The following GEMIN5 variants were observed in gnomAD, a reference collection of about 807,000 sequenced individuals.
GEMIN5 encodes gem-associated protein 5.
In GEMIN5, 124 loss-of-function variants were observed where a neutral mutation model predicts 176.9. The observed-to-expected ratio is 0.70, with a 90% CI of 0.61 to 0.81. The LOEUF (loss-of-function observed/expected upper bound fraction) is 0.81, where lower values mean the gene tolerates loss of function less well. GEMIN5 is among the 40% of genes least tolerant of loss of function. The pLI, the probability that GEMIN5 is intolerant of heterozygous loss-of-function variation, is 0.00. For synonymous variants in GEMIN5, 673 were observed against 665.2 expected (o/e 1.01, Z -0.18); for missense variants, 1,843 against 1,814.6 (o/e 1.02, Z -0.28).
chr5:154,921,423 G>A lies in GEMIN5; in HGVS notation c.1382C>T (p.Pro461Leu), dbSNP rs377204502. 1 of 1,414,396 alleles carries A rather than the reference G, an allele frequency of 7.1e-7. No homozygotes were observed. The highest frequency in any genetic ancestry group is 1.2e-5 in the South Asian group (1 of 81,500). 87.6% of individuals were successfully genotyped at this position (1,414,396 alleles called of 1,614,324 possible). The change falls in exon 10 of 28, where the codon CCT (proline) becomes CTT (leucine). Residue 461 changes from proline to leucine, a missense_variant and splice_region_variant. Pro to Leu is a moderately conservative substitution (Grantham distance 98). Coordinates refer to ENST00000285873, the MANE Select transcript of GEMIN5 (RefSeq NM_015465.5). ...VGLYDTYSNK[P>L]PQISSTYHKK... is the part of the protein sequence containing the mutation. ...ATGATATGTGCTAGAAATCTGTGGAGGCCTTTAGAAGAGCAGGGAGAGAGA... is the reference window on the plus strand; with the variant it reads ...ATGATATGTGCTAGAAATCTGTGGAAGCCTTTAGAAGAGCAGGGAGAGAGA...
intron 12 of GEMIN5, 37 bp downstream of exon 12, chr5:154,917,894 A>G: frequency 7.5e-7 from 1 of 1,338,072 alleles, no homozygotes; most frequent in African/African-American, 1.4e-5. Flanking sequence ...TATATGTGCG[A>G]TTGCAAATTT....
rs1344147789 is a variant in GEMIN5 at position 154,919,990 on chromosome 5, T to C, written c.1576A>G (p.Ile526Val). ...SGEAFDINKLIRDTNSIKYKL... is the reference protein window; with the variant it reads ...SGEAFDINKLVRDTNSIKYKL... ...ACTTTGATTGAATTGGTGTCCCTGA[T>C]GAGTTTGTTGATGTCAAAGGCTTCT... The change falls in exon 11 of 28, where the codon ATC becomes GTC. Residue 526 changes from isoleucine to valine, a missense_variant. Ile to Val is a conservative substitution (Grantham distance 29, BLOSUM62 3). Coordinates refer to ENST00000285873, the MANE Select transcript of GEMIN5 (RefSeq NM_015465.5). 3 of 1,611,914 alleles carry C rather than the reference T, an allele frequency of 1.9e-6. No homozygotes were observed. The highest frequency in any genetic ancestry group is 2.5e-6 in the Non-Finnish European group (3 of 1,178,268).
At position 154,917,059 on chromosome 5, in the gene GEMIN5, A is replaced by G. The variant is rs1763826302; in HGVS notation, c.1794T>C (p.Tyr598=). 2.5e-6 allele frequency: 4 copies of G among 1,609,442 alleles called. No homozygotes were observed. Among genetic ancestry groups the G allele is most frequent in the Non-Finnish European group, 3.4e-6 (4 of 1,176,548 alleles). The part of the protein sequence containing the change: ...HEHGSQPELS[Y]LMASGSNNAV... ...CATTGTTGGAGCCAGAGGCCATCAG[A>G]TAGCTCAATTCTGGCTGGCTGCCAT... is the stretch of plus-strand genomic sequence containing the variant. The change falls in exon 13 of 28, where the codon TAT becomes TAC. Residue 598 remains tyrosine, a synonymous_variant. Coordinates refer to ENST00000285873, the MANE Select transcript of GEMIN5 (RefSeq NM_015465.5).
rs993032959 is a variant in GEMIN5 at position 154,892,630 on chromosome 5, C to T, written c.3598-81G>A. 16 of 1,355,488 alleles carry T rather than the reference C, an allele frequency of 1.2e-5. No individual in the cohort carries two copies. In the African/African-American group the frequency reaches 1.3e-4, roughly 11 times the overall value. The allele number at this position is 1,355,488 out of a possible 1,614,324, so 84.0% of individuals were successfully genotyped here. A position where few individuals can be genotyped will look rare whatever the true frequency, so the allele number is the denominator to read the frequency against. On this transcript the variant is annotated intron_variant, in intron 24 of 27. Coordinates refer to ENST00000285873, the MANE Select transcript of GEMIN5 (RefSeq NM_015465.5). ...ATGCCACCAAACTGTTCCTGTGAAC[C>T]GCATTTGGAAACAAGTACACACAAT...
chr5:154,924,426 G>A, intron 9 of GEMIN5, 43 bp downstream of exon 9: 1 of 1,282,196 alleles, frequency 7.8e-7, no homozygotes, highest in Non-Finnish European at 1.1e-6. Context: ...CCAACCTTTT[G>A]GCTCCCCGGG....
At chr5:154,894,497 G>A (rs1161920984) in intron 24 of GEMIN5, among the ~76,000 whole-genome samples, 1 of 152,096 alleles carries the variant, frequency 6.6e-6, no homozygotes, top group East Asian at 1.9e-4. Context: ...CTGGCCAGGC[G>A]TGATGGCTCA....
chr5:154,889,066 C>T (rs181712966), intron 27 of GEMIN5, among the ~76,000 whole-genome samples: 341 of 152,080 alleles, frequency 2.2e-3, no homozygotes, highest in African/African-American at 7.5e-3. Context: ...TTAGTAGAGA[C>T]GGGGTTTCAC....
Position 154,891,543 on chromosome 5 carries a change from A to G in GEMIN5, c.3960T>C (p.Thr1320=), listed in dbSNP as rs900181146. The change falls in exon 26 of 28, where the codon ACT becomes ACC. Residue 1320 remains threonine (T), a synonymous_variant. Transcript: ENST00000285873. ...LSVEPSQQLD[T]ASTEETDPET... is the part of the protein sequence containing the mutation. ...CAGGGTCCGTTTCTTCAGTGCTGGC[A>G]GTGTCTAACTGCTGGCTTGGCTCAA... 1 of 1,614,052 alleles carries G rather than the reference A, an allele frequency of 6.2e-7. No homozygotes were observed. The highest frequency in any genetic ancestry group is 1.3e-5 in the African/African-American group (1 of 74,918).
chr5:154,899,911 T>C (rs919417688), intron 21 of GEMIN5, among the ~76,000 whole-genome samples: 5 of 152,034 alleles, frequency 3.3e-5, no homozygotes, highest in Admixed American at 3.3e-4. Flanking sequence ...GGCTGCTTTT[T>C]CATAGAACCT....
intron 4 of GEMIN5, 156 bp from the exon 5 acceptor site, chr5:154,931,733 G>A (rs934820045): frequency 8.0e-6 from 5 of 624,970 alleles, no homozygotes; most frequent in South Asian, 2.3e-5. Flanking sequence ...GATATAATTC[G>A]GCCTGGTGCA....
chr5:154,892,111 T>C (rs953710901), intron 25 of GEMIN5, among the ~76,000 whole-genome samples: 7 of 152,256 alleles, frequency 4.6e-5, no homozygotes, highest in African/African-American at 1.7e-4. Context: ...TTTGCTGTTC[T>C]TTTCTGTTCT....
chr5:154,913,873 T>A (rs180903), intron 13 of GEMIN5, among the ~76,000 whole-genome samples: 1 of 152,082 alleles, frequency 6.6e-6, no homozygotes, highest in East Asian at 1.9e-4. Context: ...TGGTGGTATG[T>A]GCCTGTAGTC....
At chr5:154,904,716 G>T in intron 17 of GEMIN5, 87 bp from the exon 18 acceptor site, 1 of 977,958 alleles carries the variant, frequency 1.0e-6, no homozygotes, top group Non-Finnish European at 1.6e-6. Context: ...GTAACCTACT[G>T]GCAGGACGAC....
chr5:154,910,722 G>A (rs1033911355), intron 15 of GEMIN5, among the ~76,000 whole-genome samples: 10 of 152,092 alleles, frequency 6.6e-5, no homozygotes, highest in East Asian at 1.9e-4. Context: ...GTTTTGAGAC[G>A]GAGTCTCGCT....
chr5:154,920,710 C>T (rs1460699121), intron 10 of GEMIN5, among the ~76,000 whole-genome samples: 4 of 152,206 alleles, frequency 2.6e-5, no homozygotes, highest in Non-Finnish European at 4.4e-5. Context: ...GATAAATCTA[C>T]TTATCCTCTC....
intron 15 of GEMIN5, among the ~76,000 whole-genome samples, chr5:154,910,014 TAGAC>T (rs1763662841): frequency 6.6e-6 from 1 of 151,846 alleles, no homozygotes; most frequent in Admixed American, 6.6e-5. Context: ...TAAACAGAAT[TAGAC>T]AGTATGTAGT....
At chr5:154,918,307 A>C (rs933712281) in intron 11 of GEMIN5, among the ~76,000 whole-genome samples, 1 of 152,286 alleles carries the variant, frequency 6.6e-6, no homozygotes, top group Admixed American at 6.5e-5. Context: ...CAGCTTGGAC[A>C]ATGTGGGGAC....
chr5:154,905,241 A>G (rs1262218153), intron 17 of GEMIN5, 122 bp downstream of exon 17: 1 of 493,806 alleles, frequency 2.0e-6, no homozygotes, highest in Non-Finnish European at 3.7e-6. Context: ...GAAAACCTAC[A>G]AATATTTTGA....
chr5:154,919,564 C>G (rs192026462), intron 11 of GEMIN5, among the ~76,000 whole-genome samples: 7 of 152,220 alleles, frequency 4.6e-5, no homozygotes, highest in Admixed American at 4.6e-4. Context: ...AGTAAAACAC[C>G]ATGCAGTTGC....
Sources: allele counts gnomAD v4.1 joint callset (sites outside exome capture counted in the v4.1 genomes callset), GRCh38; gene constraint gnomAD v4.1.1; transcripts MANE v1.5; gene names NCBI Gene and HGNC (gene_info 2026-07-23, HGNC 2026-07-21).